Variants in CNTN6 observed in about 807,000 individuals in gnomAD.
The protein encoded by CNTN6 is contactin-6.
A neutral mutation model predicts 122.8 loss-of-function variants in CNTN6; 137 were observed. The ratio of observed to expected loss-of-function variants is 1.12; its 90% CI spans 0.97 to 1.29. The LOEUF (loss-of-function observed/expected upper bound fraction) is 1.29. Ranked by LOEUF, CNTN6 falls within the 50% of genes most tolerant of loss-of-function variation. CNTN6 has a pLI of 0.00. For synonymous variants in CNTN6, 570 were observed against 426.0 expected (o/e 1.34, Z -4.16); for missense variants, 1,634 against 1,223.4 (o/e 1.34, Z -5.01).
At chr3:1,234,674 C>T (rs981106446) in intron 4 of CNTN6, among the ~76,000 whole-genome samples, 1 of 151,654 alleles carries the variant, frequency 6.6e-6, no homozygotes, top group Non-Finnish European at 1.5e-5. Flanking sequence ...TGCTAAATGG[C>T]TTTTAACCTT....
chr3:1,141,303 C>A (rs1398402311), intron 1 of CNTN6, among the ~76,000 whole-genome samples: 2 of 152,088 alleles, frequency 1.3e-5, no homozygotes, highest in East Asian at 3.9e-4. Context: ...ATGAACATGG[C>A]AACTGAAAAT....
intron 1 of CNTN6, among the ~76,000 whole-genome samples, chr3:1,120,700 T>A (rs2125058723): frequency 6.6e-6 from 1 of 152,044 alleles, no homozygotes; most frequent in Non-Finnish European, 1.5e-5. Flanking sequence ...TCTTTGCTTA[T>A]CCCAAGGTCA....
chr3:1,123,607 A>G (rs2092045167), intron 1 of CNTN6, among the ~76,000 whole-genome samples: 1 of 152,000 alleles, frequency 6.6e-6, no homozygotes, highest in African/African-American at 2.4e-5. Context: ...TTTTATATGT[A>G]AGATTATGCA....
At chr3:1,127,642 A>G (rs1261130949) in intron 1 of CNTN6, among the ~76,000 whole-genome samples, 4 of 151,966 alleles carry the variant, frequency 2.6e-5, no homozygotes, top group Non-Finnish European at 5.9e-5. Flanking sequence ...CAAAAATAAT[A>G]GGTTGATTGA....
intron 2 of CNTN6, among the ~76,000 whole-genome samples, chr3:1,157,374 C>T (rs1006012142): frequency 3.3e-5 from 5 of 152,010 alleles, no homozygotes; most frequent in African/African-American, 1.2e-4. Context: ...TGTGCCACCA[C>T]ACCTGGCTAA....
At chr3:1,202,911 C>T (rs1182461915) in intron 2 of CNTN6, among the ~76,000 whole-genome samples, 1 of 152,164 alleles carries the variant, frequency 6.6e-6, no homozygotes, top group Non-Finnish European at 1.5e-5. Context: ...GCTGCTATTT[C>T]ATTTTCTTAT....
intron 20 of CNTN6, 82 bp from the exon 21 acceptor site, chr3:1,401,351 T>C (rs1336030564): frequency 1.8e-6 from 2 of 1,097,290 alleles, no homozygotes; most frequent in Non-Finnish European, 2.7e-6. Context: ...CGAAGACTTA[T>C]TTTTTCTTTT....
rs1199649495 is a variant in CNTN6 at position 1,129,142 on chromosome 3, G to T, written c.-82-18785G>T. On this transcript the variant is annotated intron_variant, in intron 1 of 22. Transcript: ENST00000446702. ...AGATTGGTTTAAAAAGGAAGTTATA[G>T]AATTTAATCAATCTTGAGAGACCAG... Among the ~76,000 whole-genome samples, 11 of 152,046 alleles carry T rather than the reference G, an allele frequency of 7.2e-5. No homozygotes were observed. In the East Asian group the frequency reaches 1.5e-3, roughly 21 times the overall value.
At chr3:1,245,269 ATATAT>A (rs1559596647) in intron 4 of CNTN6, among the ~76,000 whole-genome samples, 56 of 4,564 alleles carry the variant, frequency 0.012, 11 homozygotes, top group African/African-American at 0.041. Flanking sequence ...ATATATATAT[ATATAT>A]ACACACACAT....
At chr3:1,205,137 A>G (rs1426850043) in intron 2 of CNTN6, among the ~76,000 whole-genome samples, 3 of 152,144 alleles carry the variant, frequency 2.0e-5, no homozygotes, top group Admixed American at 6.5e-5. Context: ...AAAGATAGAG[A>G]AAGGTGTCCA....
At chr3:1,210,001 A>G (rs2094011956) in intron 2 of CNTN6, among the ~76,000 whole-genome samples, 1 of 152,200 alleles carries the variant, frequency 6.6e-6, no homozygotes, top group Admixed American at 6.6e-5. Context: ...TTTCATAACT[A>G]TTTTTAAAAC....
At chr3:1,115,487 T>C (rs9848638) in intron 1 of CNTN6, among the ~76,000 whole-genome samples, 129,523 of 152,212 alleles carry the variant, frequency 0.85, 55,951 homozygotes, top group East Asian at 0.99. Context: ...CGGTGGCTCA[T>C]GCCTGTAATC....
intron 2 of CNTN6, among the ~76,000 whole-genome samples, chr3:1,202,308 A>G (rs901350147): frequency 5.3e-5 from 8 of 152,198 alleles, no homozygotes; most frequent in Non-Finnish European, 8.8e-5. Flanking sequence ...CGGAAGGCCG[A>G]GGCGGGCGGA....
chr3:1,266,973 T>G (rs2094936038), intron 4 of CNTN6, among the ~76,000 whole-genome samples: 1 of 138,988 alleles, frequency 7.2e-6, no homozygotes, highest in Non-Finnish European at 1.5e-5. Flanking sequence ...TTTTTTTTTT[T>G]GGAGACAGAG....
At chr3:1,169,872 G>A in intron 2 of CNTN6, among the ~76,000 whole-genome samples, 1 of 152,076 alleles carries the variant, frequency 6.6e-6, no homozygotes, top group East Asian at 1.9e-4. Flanking sequence ...TAGCTCTATT[G>A]TGTATTTTCT....
At chr3:1,388,370 A>G (rs1029716036) in intron 20 of CNTN6, among the ~76,000 whole-genome samples, 3 of 149,182 alleles carry the variant, frequency 2.0e-5, no homozygotes, top group Non-Finnish European at 3.0e-5. Context: ...TAGAAGGAAA[A>G]CTAACAAACA....
At position 1,104,262 on chromosome 3, in the gene CNTN6, G is replaced by A. The variant is rs1426079661; in HGVS notation, c.-83+11142G>A. ...ATTTAATTCCAAGATGATTATTTTAGTAAAGTAAACTTGCATAGTGAGATG... is the reference window on the plus strand; with the variant it reads ...ATTTAATTCCAAGATGATTATTTTAATAAAGTAAACTTGCATAGTGAGATG... On this transcript the variant is annotated intron_variant, in intron 1 of 22. Coordinates refer to ENST00000446702, the MANE Select transcript of CNTN6 (RefSeq NM_001289080.2). Among the ~76,000 whole-genome samples, 4 of 151,970 alleles carry A rather than the reference G, an allele frequency of 2.6e-5. No individual in the cohort carries two copies. The East Asian group carries it at 7.7e-4, about 29-fold the overall frequency.
At chr3:1,401,319 T>C (rs905045065) in intron 20 of CNTN6, 114 bp from the exon 21 acceptor site, 6 of 768,746 alleles carry the variant, frequency 7.8e-6, no homozygotes, top group Middle Eastern at 2.3e-4. Context: ...GAAGACATTT[T>C]AGCTCCTTCT....
chr3:1,191,609 A>G (rs1419804496), intron 2 of CNTN6, among the ~76,000 whole-genome samples: 1 of 152,212 alleles, frequency 6.6e-6, no homozygotes, highest in Non-Finnish European at 1.5e-5. Context: ...CTAAGGTTAC[A>G]GCAAATTATC....
Sources: gnomAD v4.1 joint callset for allele counts (sites outside exome capture counted in the v4.1 genomes callset) on GRCh38, gnomAD v4.1.1 for gene constraint, MANE v1.5 for transcripts, NCBI Gene and HGNC (gene_info 2026-07-23, HGNC 2026-07-21) for gene names.